Variants in TRIM67 observed in about 807,000 individuals in gnomAD.
TRIM67 encodes tripartite motif-containing protein 67.
In TRIM67, 39 loss-of-function variants were observed where a neutral mutation model predicts 71.0. The observed-to-expected ratio is 0.55, with a 90% confidence interval of 0.43 to 0.72. The LOEUF (loss-of-function observed/expected upper bound fraction) is 0.72. Ranked by LOEUF, TRIM67 falls within the 30% of genes least tolerant of loss-of-function variation. The probability of loss-of-function intolerance (pLI) is 0.00; values close to 1 mark genes in which losing one functional copy is unlikely to be tolerated. For synonymous variants in TRIM67, 481 were observed against 473.9 expected, an observed-to-expected ratio of 1.01 and a Z score of -0.19; for missense variants, 973 against 1,079.2, an observed-to-expected ratio of 0.90 and a Z score of 1.38.
chr1:231,185,896 T>C (rs12096753), intron 1 of TRIM67, among the ~76,000 whole-genome samples: 37,924 of 151,318 alleles, frequency 0.25, 6,600 homozygotes, highest in African/African-American at 0.47. Flanking sequence ...AGGATTTGAG[T>C]TGGACGTGGG....
In TRIM67 at chr1:231,209,508, C is replaced by T. The variant is rs756195473; in HGVS notation, c.2123+258C>T. On this transcript the variant is annotated intron_variant, in intron 8 of 9. Coordinates refer to ENST00000366653, the MANE Select transcript of TRIM67 (RefSeq NM_001004342.5). The surrounding 1 kb of genome is among the most constrained non-coding windows in gnomAD (Gnocchi z 4.1). ...CTCCCAAGTTACCCAGCGGGCCACA[C>T]GGTGGTCCTCTGCTGGGATATGGAG... Among the ~76,000 whole-genome samples the T allele has an allele frequency of 2.6e-5, 4 of 152,230 alleles. No individual in the cohort carries two copies. The highest frequency in any genetic ancestry group is 7.2e-5 in the African/African-American group (3 of 41,462).
chr1:231,206,700 T>C lies in TRIM67; in HGVS notation c.1729T>C (p.Phe577Leu). 1 of 1,611,904 alleles carries C rather than the reference T, an allele frequency of 6.2e-7. No individual in the cohort carries two copies. Among genetic ancestry groups the C allele is most frequent in the Non-Finnish European group, 8.5e-7 (1 of 1,179,084 alleles). The change falls in exon 7 of 10, where the codon TTC becomes CTC. Residue 577 changes from phenylalanine to leucine, a missense_variant. Phe to Leu is a conservative substitution (Grantham distance 22). Coordinates refer to ENST00000366653, the MANE Select transcript of TRIM67 (RefSeq NM_001004342.5). ...TTTGTGTACCATCGACGGTCTTCAC[T>C]TCAACAGCACCTACAACGCCCGAGT... Reference protein sequence around the residue: ...ETLCTIDGLHFNSTYNARVKA... With the variant: ...ETLCTIDGLHLNSTYNARVKA...
chr1:231,198,397 T>C (rs1352644026), intron 2 of TRIM67, among the ~76,000 whole-genome samples: 1 of 152,070 alleles, frequency 6.6e-6, no homozygotes, highest in Non-Finnish European at 1.5e-5. Context: ...CTGAATTCTT[T>C]TTTTTTTGAG....
intron 1 of TRIM67, chr1:231,185,032 A>C (rs1260219661): frequency 2.0e-6 from 3 of 1,532,846 alleles, no homozygotes; most frequent in Non-Finnish European, 2.6e-6. Context: ...TTCTGCTTGC[A>C]GGGCCTAGGC....
chr1:231,169,035 TG>T (rs1294484219), intron 1 of TRIM67, among the ~76,000 whole-genome samples: 1 of 152,032 alleles, frequency 6.6e-6, no homozygotes, highest in Non-Finnish European at 1.5e-5. Context: ...ATTCTCATTC[TG>T]AGTGGAAGCC....
chr1:231,213,759 T>C (rs1262164586), intron 8 of TRIM67, 56 bp from the exon 9 acceptor site: 5 of 1,509,610 alleles, frequency 3.3e-6, no homozygotes, highest in Non-Finnish European at 4.4e-6. Context: ...TCCTGAGTTA[T>C]CACCTACATC....
intron 1 of TRIM67, among the ~76,000 whole-genome samples, chr1:231,188,468 G>A (rs1228580364): frequency 3.3e-5 from 5 of 152,180 alleles, no homozygotes; most frequent in African/African-American, 1.2e-4. Context: ...TAAAGATGCA[G>A]CTGGAAGATG....
At chr1:231,169,315 A>C (rs988203663) in intron 1 of TRIM67, among the ~76,000 whole-genome samples, 13 of 151,116 alleles carry the variant, frequency 8.6e-5, no homozygotes, top group African/African-American at 3.2e-4. Flanking sequence ...TTGGCCTCCC[A>C]AACTGTTGGG....
intron 5 of TRIM67, 130 bp from the exon 6 acceptor site, chr1:231,203,737 G>T: frequency 8.2e-7 from 1 of 1,220,694 alleles, no homozygotes; most frequent in Non-Finnish European, 1.1e-6. Flanking sequence ...GTGACTACAG[G>T]GTGGCCAGGG....
intron 1 of TRIM67, chr1:231,187,570 CACA>C: frequency 6.5e-7 from 1 of 1,532,854 alleles, no homozygotes; most frequent in Non-Finnish European, 8.7e-7. Context: ...TGGTCCATTT[CACA>C]ACCTCCTTTG....
At chr1:231,182,395 TA>T (rs1198571528) in intron 1 of TRIM67, among the ~76,000 whole-genome samples, 3 of 151,472 alleles carry the variant, frequency 2.0e-5, no homozygotes, top group Non-Finnish European at 4.4e-5. Flanking sequence ...GACCCTGTCC[TA>T]AAAAACAAAT....
At chr1:231,180,054 G>A (rs1682857354) in intron 1 of TRIM67, among the ~76,000 whole-genome samples, 1 of 152,208 alleles carries the variant, frequency 6.6e-6, no homozygotes, top group South Asian at 2.1e-4. Flanking sequence ...GGGTTATAAT[G>A]AGAAGTGTTA....
chr1:231,201,453 T>G lies in TRIM67; in HGVS notation c.1470T>G (p.Thr490=). The G allele has an allele frequency of 6.2e-7, 1 of 1,613,838 alleles. No homozygotes were observed. Among genetic ancestry groups the G allele is most frequent in the Non-Finnish European group, 8.5e-7 (1 of 1,179,832 alleles). ...EPKVSAEFDL[T]LDSEPLLQAI... ...AAGTGTCTGCGGAGTTTGATCTGAC[T>G]TTGGACAGCGAGCCGCTGCTGCAGG... The change falls in exon 5 of 10, where the codon ACT becomes ACG. Residue 490 remains threonine, a synonymous_variant. Transcript: ENST00000366653.
intron 5 of TRIM67, among the ~76,000 whole-genome samples, chr1:231,203,601 G>C (rs1288177510): frequency 3.9e-5 from 6 of 152,228 alleles, no homozygotes; most frequent in African/African-American, 1.4e-4. Context: ...GCTCAGAGGG[G>C]TGGGGCCATC....
intron 7 of TRIM67, among the ~76,000 whole-genome samples, chr1:231,207,084 C>A (rs1292070942): frequency 6.6e-6 from 1 of 152,178 alleles, no homozygotes; most frequent in Non-Finnish European, 1.5e-5. Flanking sequence ...GGTGCATACG[C>A]CTCACCCTGC....
chr1:231,171,449 A>C (rs1253022459), intron 1 of TRIM67, among the ~76,000 whole-genome samples: 1 of 152,108 alleles, frequency 6.6e-6, no homozygotes, highest in African/African-American at 2.4e-5. Flanking sequence ...TTTGGGTCTT[A>C]GTTGTTCTCT....
intron 6 of TRIM67, among the ~76,000 whole-genome samples, chr1:231,206,096 T>G (rs943532786): frequency 1.3e-5 from 2 of 152,174 alleles, no homozygotes; most frequent in Non-Finnish European, 2.9e-5. Context: ...TGAATGTAAT[T>G]TCCCTTTTTA....
At position 231,217,806 on chromosome 1, in the gene TRIM67, G is replaced by C; in HGVS notation, c.*2366G>C. 1 of 1,289,316 alleles carries C rather than the reference G, an allele frequency of 7.8e-7. No individual in the cohort carries two copies. Among genetic ancestry groups the C allele is most frequent in the Non-Finnish European group, 1.0e-6 (1 of 988,688 alleles). 79.9% of individuals were successfully genotyped at this position (1,289,316 alleles called of 1,614,324 possible). On this transcript the variant is annotated 3_prime_UTR_variant, in exon 10 of 10. Transcript: ENST00000366653. ...CTACCCTGAACCTAACCCCTTTGAG[G>C]GAGCAGCATCCAGGTCAGGAGAGAA...
intron 1 of TRIM67, among the ~76,000 whole-genome samples, chr1:231,167,688 T>C (rs1285779197): frequency 6.6e-6 from 1 of 151,946 alleles, no homozygotes; most frequent in Non-Finnish European, 1.5e-5. Flanking sequence ...CTCCTGGCCT[T>C]AAGTGATCTT....
Sources: gnomAD v4.1 joint callset for allele counts (sites outside exome capture counted in the v4.1 genomes callset) on GRCh38, gnomAD v4.1.1 for gene constraint, Gnocchi (gnomAD v3.1) non-coding constraint, MANE v1.5 for transcripts, NCBI Gene and HGNC (gene_info 2026-07-23, HGNC 2026-07-21) for gene names.